The following SPINK5 variants were observed in gnomAD, a reference collection of about 807,000 sequenced individuals.
SPINK5 encodes the protein serine peptidase inhibitor Kazal type 5.
Under a neutral mutation model 151.8 loss-of-function variants are expected in SPINK5, and 125 were observed. The observed-to-expected ratio is 0.82, with a 90% CI of 0.71 to 0.96. The LOEUF (loss-of-function observed/expected upper bound fraction) is 0.96. Ranked by LOEUF, SPINK5 falls within the 40% of genes least tolerant of loss-of-function variation. The pLI is 0.00. For missense variants in SPINK5, 1,194 were observed against 1,291.9 expected, an observed-to-expected ratio of 0.92 and a Z score of 1.16; for synonymous variants, 374 against 395.3, an observed-to-expected ratio of 0.95 and a Z score of 0.64.
At chr5:148,123,512 A>ATTATAT (rs1561703850) in intron 26 of SPINK5, among the ~76,000 whole-genome samples, 3 of 120,948 alleles carry the variant, frequency 2.5e-5, no homozygotes, top group African/African-American at 1.1e-4. Flanking sequence ...GCAGTGGTGC[A>ATTATAT]ATATATGTGT....
chr5:148,125,592 C>G, intron 28 of SPINK5, 131 bp from the exon 29 acceptor site: 1 of 1,614,126 alleles, frequency 6.2e-7, no homozygotes, highest in Non-Finnish European at 8.5e-7. Flanking sequence ...GTTCCTTGGC[C>G]TCTGTTGCCA....
Position 148,095,883 on chromosome 5 carries a change from C to A in SPINK5, c.860C>A (p.Thr287Asn), listed in dbSNP as rs755830397. 6.2e-7 allele frequency: 1 copy of A among 1,611,996 alleles called. No individual in the cohort carries two copies. The highest frequency in any genetic ancestry group is 2.2e-5 in the East Asian group (1 of 44,770). The stretch of plus-strand genomic sequence containing the variant: ...AATTTGGGAAAAGCTGAAGAAAAAA[C>A]TAAAGTTAAAAGAGAAATTGTGGTG... ...DQNLGKAEEK[T>N]KVKREIVKLC... is the part of the protein sequence containing the mutation. The change falls in exon 10 of 33, where the codon ACT becomes AAT. Residue 287 changes from threonine (T) to asparagine (N), a missense_variant. Coordinates refer to ENST00000256084, the MANE Select transcript of SPINK5 (RefSeq NM_006846.4).
intron 23 of SPINK5, 147 bp downstream of exon 23, chr5:148,118,711 T>C (rs549655631): frequency 1.2e-5 from 15 of 1,219,272 alleles, no homozygotes; most frequent in Middle Eastern, 2.7e-4. Flanking sequence ...TTGCGTTCTC[T>C]AAGGAACAAT....
chr5:148,115,886 A>T (rs140942059), intron 21 of SPINK5, among the ~76,000 whole-genome samples: 1,578 of 145,210 alleles, frequency 0.011, 30 homozygotes, highest in African/African-American at 0.038. Flanking sequence ...CAGTGGTGTG[A>T]TCTCAGCTCA....
chr5:148,133,211 G>A (rs1287683141), intron 31 of SPINK5, among the ~76,000 whole-genome samples: 1 of 152,134 alleles, frequency 6.6e-6, no homozygotes, highest in East Asian at 1.9e-4. Flanking sequence ...CATTTCTAAG[G>A]TTTTAGAGAA....
At chr5:148,136,707 C>T (rs1486603622) in intron 32 of SPINK5, among the ~76,000 whole-genome samples, 2 of 152,124 alleles carry the variant, frequency 1.3e-5, no homozygotes, top group African/African-American at 2.4e-5. Context: ...CTAATGACAC[C>T]TACTTCTTTT....
intron 13 of SPINK5, among the ~76,000 whole-genome samples, chr5:148,101,091 G>T (rs1016183741): frequency 2.8e-5 from 4 of 141,196 alleles, no homozygotes; most frequent in East Asian, 2.1e-4. Context: ...CTGGACTAGG[G>T]TTTAAATCCC....
chr5:148,117,770 G>A (rs1238105417), intron 22 of SPINK5, among the ~76,000 whole-genome samples: 2 of 152,044 alleles, frequency 1.3e-5, no homozygotes, highest in South Asian at 2.1e-4. Context: ...AGTTGTACAG[G>A]GCCAACTGAC....
rs1753938402 is a variant in SPINK5 at position 148,111,837 on chromosome 5, A to G, written c.1762A>G (p.Ile588Val). The change falls in exon 19 of 33, where the codon ATT becomes GTT. Residue 588 changes from isoleucine (I) to valine (V), a missense_variant. Coordinates refer to ENST00000256084, the MANE Select transcript of SPINK5 (RefSeq NM_006846.4). ...CCCCTGTACCAGAGAGAATGATCCTATTGAGGGTCTAGATGGGAAAATCCA... is the reference window on the plus strand; with the variant it reads ...CCCCTGTACCAGAGAGAATGATCCTGTTGAGGGTCTAGATGGGAAAATCCA... The part of the protein sequence containing the change: ...RLPCTRENDP[I>V]EGLDGKIHGN... 4.3e-6 allele frequency: 7 copies of G among 1,614,038 alleles called. No individual in the cohort carries two copies. The East Asian group carries it at 1.3e-4, about 31-fold the overall frequency.
At position 148,101,644 on chromosome 5, in the gene SPINK5, A is replaced by G. The variant is rs1208071773; in HGVS notation, c.1303-137A>G. On this transcript the variant is annotated intron_variant, in intron 14 of 32. Coordinates refer to ENST00000256084, the MANE Select transcript of SPINK5 (RefSeq NM_006846.4). ...ATTGTTTTTATCACTTAAAAAATCCATGCCTTCAAAGTTAATCATTCTAAA... is the reference window on the plus strand; with the variant it reads ...ATTGTTTTTATCACTTAAAAAATCCGTGCCTTCAAAGTTAATCATTCTAAA... 100 of 1,354,924 alleles carry G rather than the reference A, an allele frequency of 7.4e-5. No individual in the cohort carries two copies. The East Asian group carries it at 2.4e-3, about 32-fold the overall frequency. 83.9% of individuals were successfully genotyped at this position (1,354,924 alleles called of 1,614,324 possible).
chr5:148,065,985 G>A (rs1482565228), intron 2 of SPINK5, among the ~76,000 whole-genome samples: 2 of 152,116 alleles, frequency 1.3e-5, no homozygotes, highest in East Asian at 3.9e-4. Flanking sequence ...TAAATGCTAG[G>A]AGAAAAATAA....
At chr5:148,067,932 A>G (rs760641193) in intron 2 of SPINK5, among the ~76,000 whole-genome samples, 1 of 152,122 alleles carries the variant, frequency 6.6e-6, no homozygotes, top group African/African-American at 2.4e-5. Context: ...CTCTTTTATG[A>G]TAAGCTTTCA....
chr5:148,094,526 G>A, intron 9 of SPINK5, 45 bp downstream of exon 9: 3 of 1,611,010 alleles, frequency 1.9e-6, no homozygotes, highest in East Asian at 2.2e-5. Context: ...AAGGGTGGGA[G>A]TGGAGATTGA....
intron 12 of SPINK5, 101 bp from the exon 13 acceptor site, chr5:148,100,353 C>A: frequency 7.8e-7 from 1 of 1,286,518 alleles, no homozygotes; most frequent in Non-Finnish European, 1.1e-6. Flanking sequence ...ATCCTCAGCT[C>A]AAAGAGATGT....
At position 148,098,576 on chromosome 5, in the gene SPINK5, TATC is replaced by T. The variant is rs35688257; in HGVS notation, c.1010+587_1010+589del. Among the ~76,000 whole-genome samples, 1,220 of 152,216 alleles carry T rather than the reference TATC, an allele frequency of 8.0e-3. 22 individuals carry two copies. The highest frequency in any genetic ancestry group is 0.028 in the African/African-American group (1,162 of 41,548). On this transcript the variant is annotated intron_variant, in intron 11 of 32. Transcript: ENST00000256084. ...GATTGACAACTACATATGGTTGAAA[TATC>T]ATCAGTTAACTGTACATACTGTGCA...
At chr5:148,093,343 A>AT (rs1180715850) in intron 8 of SPINK5, among the ~76,000 whole-genome samples, 13 of 151,578 alleles carry the variant, frequency 8.6e-5, no homozygotes, top group East Asian at 1.9e-4. Context: ...TCTTTCTTGG[A>AT]TTTTTTTTGG....
intron 16 of SPINK5, 142 bp downstream of exon 16, chr5:148,105,142 A>T: frequency 1.1e-6 from 1 of 924,676 alleles, no homozygotes; most frequent in East Asian, 2.7e-5. Flanking sequence ...CTGAACAAAA[A>T]GGGTCCTGAT....
intron 10 of SPINK5, among the ~76,000 whole-genome samples, chr5:148,096,570 T>C (rs957270299): frequency 1.3e-5 from 2 of 152,010 alleles, no homozygotes; most frequent in Non-Finnish European, 2.9e-5. Context: ...TTCTAGAGTA[T>C]ATTCAGACCA....
Position 148,107,155 on chromosome 5 carries a change from C to T in SPINK5, c.1598C>T (p.Ala533Val). Reference protein sequence around the residue: ...KMHGNKCAMCASVFKLEEEEK... With the variant: ...KMHGNKCAMCVSVFKLEEEEK... ...CATGGAAACAAGTGTGCCATGTGTG[C>T]CAGTGTGTTGTGAGTGTCCACCCCA... The change falls in exon 17 of 33, where the codon GCC (alanine) becomes GTC (valine). Residue 533 changes from alanine to valine, a missense_variant. By Grantham distance (64) the Ala-to-Val change is moderately conservative. Coordinates refer to ENST00000256084, the MANE Select transcript of SPINK5 (RefSeq NM_006846.4). 6.2e-7 allele frequency: 1 copy of T among 1,612,014 alleles called. No homozygotes were observed.
Sources: gnomAD v4.1 joint callset for allele counts (sites outside exome capture counted in the v4.1 genomes callset) on GRCh38, gnomAD v4.1.1 for gene constraint, MANE v1.5 for transcripts, NCBI Gene and HGNC (gene_info 2026-07-23, HGNC 2026-07-21) for gene names.